MAP7D2: variants seen among roughly 807,000 people sequenced by gnomAD.
MAP7D2 encodes the protein MAP7 domain-containing protein 2.
Under a neutral mutation model 63.5 loss-of-function variants are expected in MAP7D2, and 33 were observed. That is an observed-to-expected ratio of 0.52 (90% CI 0.39 to 0.70). The LOEUF is 0.70. Among genes scored for constraint, MAP7D2 ranks in the 30% least tolerant of loss-of-function variants. The pLI, the probability that MAP7D2 is intolerant of heterozygous loss-of-function variation, is 0.00. For missense variants in MAP7D2, 626 were observed against 604.0 expected (o/e 1.04, Z -0.38); for synonymous variants, 224 against 223.7 (o/e 1.00, Z -0.01).
intron 1 of MAP7D2, among the ~76,000 whole-genome samples, chrX:20,104,072 C>T (rs2066504466): frequency 9.0e-6 from 1 of 111,504 alleles, no homozygotes; most frequent in South Asian, 3.7e-4. Flanking sequence ...ATTTTCCTCA[C>T]TTAATTGTTC....
chrX:20,056,102 G>A (rs1489542503), intron 4 of MAP7D2, among the ~76,000 whole-genome samples: 2 of 111,946 alleles, frequency 1.8e-5, no homozygotes, highest in Non-Finnish European at 3.8e-5. Context: ...TCGCTGAAAT[G>A]TAGTGAGACA....
At chrX:20,040,150 A>G (rs2064614877) in intron 8 of MAP7D2, among the ~76,000 whole-genome samples, 1 of 111,116 alleles carries the variant, frequency 9.0e-6, no homozygotes. Flanking sequence ...TGGACCTTCG[A>G]CCACAGACTA....
chrX:20,101,016 C>T (rs1441724404), intron 1 of MAP7D2, among the ~76,000 whole-genome samples: 8 of 101,204 alleles, frequency 7.9e-5, no homozygotes, highest in Admixed American at 4.3e-4. Flanking sequence ...AGTAAAACTC[C>T]GTCTCAAAAA....
At position 20,078,663 on chromosome X, in the gene MAP7D2, AC is replaced by A. The variant is rs1326295031; in HGVS notation, c.131-13859del. On this transcript the variant is annotated intron_variant, in intron 1 of 16. Transcript: ENST00000379643. ...TACAGAGTAATGTGGAGCTTAAGGA[AC>A]AATATATGCAAAGCTCTTAGAACAT... Among the ~76,000 whole-genome samples the A allele has an allele frequency of 9.8e-5, 11 of 112,624 alleles. No homozygotes were observed. The Admixed American group carries it at 1.0e-3, about 11-fold the overall frequency.
chrX:20,100,879 GGT>G, intron 1 of MAP7D2, among the ~76,000 whole-genome samples: 1 of 110,528 alleles, frequency 9.0e-6, no homozygotes, highest in East Asian at 2.8e-4. Flanking sequence ...AAATTAGCTG[GGT>G]GTGGTGGTGA....
rs1056853342 is a variant in MAP7D2 at position 20,025,058 on chromosome X, G to C, written c.1305C>G (p.Thr435=). The C allele has an allele frequency of 5.8e-6, 7 of 1,207,907 alleles. No individual in the cohort carries two copies. Among genetic ancestry groups the C allele is most frequent in the Middle Eastern group, 2.3e-4 (1 of 4,344 alleles). The change falls in exon 10 of 17, where the codon ACC becomes ACG. Residue 435 remains threonine, a synonymous_variant. Transcript: ENST00000379643. ...SAALGKPTAG[T]TDAGEAAKIL... ...TCTTCGCAGCCTCTCCTGCATCAGTGGTGCCTGCTGTGGGCTTCCCCAAGG... is the reference window on the plus strand; with the variant it reads ...TCTTCGCAGCCTCTCCTGCATCAGTCGTGCCTGCTGTGGGCTTCCCCAAGG...
chrX:20,100,995 T>A (rs1443400477), intron 1 of MAP7D2, among the ~76,000 whole-genome samples: 20 of 99,505 alleles, frequency 2.0e-4, no homozygotes, highest in Non-Finnish European at 2.8e-4. Flanking sequence ...CACTCCAGCC[T>A]GGGCAACAAG....
At chrX:20,098,323 T>C (rs1179938627) in intron 1 of MAP7D2, among the ~76,000 whole-genome samples, 1 of 112,216 alleles carries the variant, frequency 8.9e-6, no homozygotes, top group Non-Finnish European at 1.9e-5. Context: ...GTGATCAGAT[T>C]AAGTGGGAAA....
intron 1 of MAP7D2, among the ~76,000 whole-genome samples, chrX:20,090,930 C>T (rs1030903250): frequency 1.2e-4 from 13 of 108,870 alleles, no homozygotes; most frequent in African/African-American, 4.4e-4. Context: ...GGTAGAGCCA[C>T]GGCACTCCAG....
intron 1 of MAP7D2, among the ~76,000 whole-genome samples, chrX:20,094,569 CATAT>C (rs1491172079): frequency 1.2e-4 from 1 of 8,503 alleles, no homozygotes; most frequent in Non-Finnish European, 2.0e-4. Flanking sequence ...TATATATATA[CATAT>C]ATATGTATAT....
chrX:20,042,464 G>C (rs1368261463), intron 8 of MAP7D2, 38 bp downstream of exon 8: 1 of 1,201,867 alleles, frequency 8.3e-7, no homozygotes, highest in Non-Finnish European at 1.1e-6. Flanking sequence ...ACTGACTCAT[G>C]ACAGTCAGAC....
chrX:20,075,307 C>T (rs770387463), intron 1 of MAP7D2, among the ~76,000 whole-genome samples: 1 of 110,883 alleles, frequency 9.0e-6, no homozygotes, highest in East Asian at 2.8e-4. Flanking sequence ...TCTACCCATC[C>T]AATATGAATC....
Position 20,034,068 on chromosome X carries a change from T to C in MAP7D2, c.1008-8116A>G, listed in dbSNP as rs774235555. ...AGTGAAACCCTGTCTCTACTAAATATACAAAAATTAGCCAGACGTGGTGGT... is the reference window on the plus strand; with the variant it reads ...AGTGAAACCCTGTCTCTACTAAATACACAAAAATTAGCCAGACGTGGTGGT... On this transcript the variant is annotated intron_variant, in intron 8 of 16. Coordinates refer to ENST00000379643, the MANE Select transcript of MAP7D2 (RefSeq NM_001168465.2). Among the ~76,000 whole-genome samples the C allele has an allele frequency of 2.6e-4, 28 of 106,964 alleles. No individual in the cohort carries two copies. In the East Asian group the frequency reaches 8.3e-3, roughly 32 times the overall value. 92.9% of individuals were successfully genotyped at this position (106,964 alleles called of 115,157 possible). A position where few individuals can be genotyped will look rare whatever the true frequency, so the allele number is the denominator to read the frequency against.
At chrX:20,073,558 C>A (rs2065562868) in intron 1 of MAP7D2, among the ~76,000 whole-genome samples, 1 of 98,034 alleles carries the variant, frequency 1.0e-5, no homozygotes, top group African/African-American at 3.8e-5. Context: ...GAGATGGAGT[C>A]TCGCTCTGTC....
At chrX:20,114,285 G>A (rs987018488) in intron 1 of MAP7D2, among the ~76,000 whole-genome samples, 6 of 112,372 alleles carry the variant, frequency 5.3e-5, no homozygotes, top group Non-Finnish European at 1.1e-4. Context: ...CACCTGCCTC[G>A]GCCTCCCAAA....
intron 1 of MAP7D2, among the ~76,000 whole-genome samples, chrX:20,079,232 G>T (rs1357322659): frequency 9.0e-6 from 1 of 111,123 alleles, no homozygotes; most frequent in Non-Finnish European, 1.9e-5. Flanking sequence ...TATGCCTTCT[G>T]CCAGGGCCAG....
chrX:20,093,060 C>G (rs775707018), intron 1 of MAP7D2, among the ~76,000 whole-genome samples: 86 of 111,716 alleles, frequency 7.7e-4, no homozygotes, highest in Non-Finnish European at 7.5e-4. Context: ...TGGCCTAGCT[C>G]GCAGTTCCCA....
chrX:20,040,612 T>C (rs759560225), intron 8 of MAP7D2, among the ~76,000 whole-genome samples: 3 of 111,186 alleles, frequency 2.7e-5, no homozygotes, highest in Non-Finnish European at 5.7e-5. Flanking sequence ...CATTTCAATA[T>C]TACTCTGTCT....
intron 1 of MAP7D2, among the ~76,000 whole-genome samples, chrX:20,070,261 C>CTTATTTATTTATTTAT (rs34768588): frequency 3.9e-5 from 4 of 102,996 alleles, no homozygotes; most frequent in Non-Finnish European, 5.9e-5. Flanking sequence ...CAATTTTTTT[C>CTTATTTATTTATTTAT]TTATTTATTT....
Sources: allele counts gnomAD v4.1 joint callset (sites outside exome capture counted in the v4.1 genomes callset), GRCh38; gene constraint gnomAD v4.1.1; transcripts MANE v1.5; gene names NCBI Gene and HGNC (gene_info 2026-07-23, HGNC 2026-07-21).